Variants in GPC6 observed in about 807,000 individuals in gnomAD.
GPC6 encodes glypican-6.
A neutral mutation model predicts 55.2 loss-of-function variants in GPC6; 14 were observed. That is an observed-to-expected ratio of 0.25 (90% CI 0.17 to 0.40). The LOEUF is 0.40. Among genes scored for constraint, GPC6 ranks in the 10% least tolerant of loss-of-function variants. GPC6 has a pLI of 1.00. For synonymous variants in GPC6, 278 were observed against 259.6 expected, an observed-to-expected ratio of 1.07 and a Z score of -0.68; for missense variants, 641 against 708.5, an observed-to-expected ratio of 0.90 and a Z score of 1.08.
intron 1 of GPC6, among the ~76,000 whole-genome samples, chr13:93,400,248 T>C (rs968736654): frequency 6.6e-6 from 1 of 151,960 alleles, no homozygotes; most frequent in African/African-American, 2.4e-5. Flanking sequence ...TTCCTTCCTT[T>C]CCTTTTCTTC....
chr13:93,232,793 C>T (rs569211290), intron 1 of GPC6, among the ~76,000 whole-genome samples: 2 of 152,106 alleles, frequency 1.3e-5, no homozygotes, highest in South Asian at 4.1e-4. Flanking sequence ...TAGTTCTAAC[C>T]TAAAATGACC....
At chr13:93,960,801 A>ATTTTTTTTTTTTTTTTTTTTTTT in intron 3 of GPC6, among the ~76,000 whole-genome samples, 1 of 124,546 alleles carries the variant, frequency 8.0e-6, no homozygotes, top group Admixed American at 8.1e-5. Context: ...TATTGCTGGA[A>ATTTTTTTTTTTTTTTTTTTTTTT]TTTTTTTTTT....
chr13:94,085,569 T>C (rs901626258), intron 4 of GPC6, among the ~76,000 whole-genome samples: 5 of 152,126 alleles, frequency 3.3e-5, no homozygotes, highest in Admixed American at 6.6e-5. Context: ...GTACACATAA[T>C]AGTATCTTGC....
chr13:93,903,050 A>G (rs1376010223), intron 3 of GPC6, among the ~76,000 whole-genome samples: 7 of 152,210 alleles, frequency 4.6e-5, no homozygotes, highest in South Asian at 4.1e-4. Flanking sequence ...ATCTCTCACC[A>G]TATACAAAAA....
In GPC6 at chr13:94,180,126, A is replaced by G. The variant is rs544735844; in HGVS notation, c.878-106223A>G. ...CTGGAAAGGGAGTAGAGAGGGTACA[A>G]GGTAGGAGATAACACTGCAGAGGCC... On this transcript the variant is annotated intron_variant, in intron 4 of 8. Coordinates refer to ENST00000377047, the MANE Select transcript of GPC6 (RefSeq NM_005708.5). Among the ~76,000 whole-genome samples the G allele has an allele frequency of 5.3e-4, 80 of 152,238 alleles. No homozygotes were observed. In the South Asian group the frequency reaches 8.3e-3, roughly 16 times the overall value.
chr13:93,448,652 A>C (rs576119083), intron 1 of GPC6, among the ~76,000 whole-genome samples: 1 of 152,358 alleles, frequency 6.6e-6, no homozygotes, highest in African/African-American at 2.4e-5. Context: ...AACAAGACTG[A>C]GTAACGTAAT....
intron 2 of GPC6, among the ~76,000 whole-genome samples, chr13:93,772,120 T>C (rs575193427): frequency 6.6e-6 from 1 of 152,328 alleles, no homozygotes; most frequent in East Asian, 1.9e-4. Context: ...CAGTGCACTT[T>C]TGAGAATTAA....
At chr13:94,103,093 G>A (rs1352285923) in intron 4 of GPC6, among the ~76,000 whole-genome samples, 4 of 152,056 alleles carry the variant, frequency 2.6e-5, no homozygotes, top group Admixed American at 6.6e-5. Context: ...GTGTCTAAGT[G>A]TTCTCATTGT....
Position 94,029,660 on chromosome 13 carries a change from A to C in GPC6, c.877+1766A>C, listed in dbSNP as rs543909003. ...TAGCACAGTTCAGTTGGCTTCAGTC[A>C]GCCTGCAAGTTATTGAAGAAGATGG... is the stretch of plus-strand genomic sequence containing the variant. On this transcript the variant is annotated intron_variant, in intron 4 of 8. Coordinates refer to ENST00000377047, the MANE Select transcript of GPC6 (RefSeq NM_005708.5). Among the ~76,000 whole-genome samples, 11 of 152,318 alleles carry C rather than the reference A, an allele frequency of 7.2e-5. No individual in the cohort carries two copies. In the East Asian group the frequency reaches 1.9e-3, roughly 27 times the overall value.
intron 3 of GPC6, among the ~76,000 whole-genome samples, chr13:93,856,632 G>A (rs962020533): frequency 6.6e-6 from 1 of 151,630 alleles, no homozygotes; most frequent in Non-Finnish European, 1.5e-5. Context: ...ATATCCTGAT[G>A]CCTGAACTAA....
intron 6 of GPC6, among the ~76,000 whole-genome samples, chr13:94,343,225 G>A (rs1199296247): frequency 2.0e-5 from 3 of 151,982 alleles, no homozygotes; most frequent in Non-Finnish European, 4.4e-5. Flanking sequence ...AAGGATTTAC[G>A]GTATTTAACC....
chr13:94,196,781 C>A (rs1889590519), intron 4 of GPC6, among the ~76,000 whole-genome samples: 1 of 152,160 alleles, frequency 6.6e-6, no homozygotes, highest in African/African-American at 2.4e-5. Flanking sequence ...CCATAACTGC[C>A]ACACAACCAT....
intron 6 of GPC6, among the ~76,000 whole-genome samples, chr13:94,315,206 T>C (rs1474357111): frequency 6.6e-6 from 1 of 152,204 alleles, no homozygotes; most frequent in Non-Finnish European, 1.5e-5. Flanking sequence ...ACAAATAATT[T>C]GTTGGAAGTT....
At chr13:93,263,317 T>C (rs554399758) in intron 1 of GPC6, among the ~76,000 whole-genome samples, 27 of 152,240 alleles carry the variant, frequency 1.8e-4, no homozygotes, top group African/African-American at 6.3e-4. Context: ...AAATTGCTGC[T>C]TGGAGTTTTT....
intron 1 of GPC6, among the ~76,000 whole-genome samples, chr13:93,341,115 A>G (rs1880241059): frequency 6.6e-6 from 1 of 152,204 alleles, no homozygotes; most frequent in Non-Finnish European, 1.5e-5. Flanking sequence ...GCAGTATTCC[A>G]TGGTGTATAT....
chr13:93,415,515 T>C (rs1302022549), intron 1 of GPC6, among the ~76,000 whole-genome samples: 1 of 152,126 alleles, frequency 6.6e-6, no homozygotes, highest in African/African-American at 2.4e-5. Context: ...CATGCAAATC[T>C]AAGACTATTT....
intron 2 of GPC6, among the ~76,000 whole-genome samples, chr13:93,729,944 G>A (rs1359280622): frequency 2.0e-5 from 3 of 152,174 alleles, no homozygotes; most frequent in Admixed American, 6.5e-5. Flanking sequence ...TGCTGTCTGA[G>A]CTTATTTACA....
chr13:94,126,926 T>C (rs1886839230), intron 4 of GPC6, among the ~76,000 whole-genome samples: 2 of 152,258 alleles, frequency 1.3e-5, no homozygotes, highest in South Asian at 4.1e-4. Context: ...ATAGAAATGT[T>C]TTTGGTATAT....
intron 2 of GPC6, among the ~76,000 whole-genome samples, chr13:93,546,014 G>A (rs1053603936): frequency 6.6e-6 from 1 of 152,072 alleles, no homozygotes; most frequent in Non-Finnish European, 1.5e-5. Flanking sequence ...TACAAATTAC[G>A]ACTGAAATTT....
Sources: gnomAD v4.1 joint callset for allele counts (sites outside exome capture counted in the v4.1 genomes callset) on GRCh38, gnomAD v4.1.1 for gene constraint, MANE v1.5 for transcripts, NCBI Gene and HGNC (gene_info 2026-07-23, HGNC 2026-07-21) for gene names.